The following SERPINB6 variants were observed in gnomAD, a reference collection of about 807,000 sequenced individuals.
The protein encoded by SERPINB6 is serpin family B member 6, also known as serpin B6.
A neutral mutation model predicts 26.1 loss-of-function variants in SERPINB6; 16 were observed. That is an observed-to-expected ratio of 0.61 (90% CI 0.42 to 0.93). The LOEUF (loss-of-function observed/expected upper bound fraction) is 0.93, where lower values mean the gene tolerates loss of function less well. SERPINB6 is among the 40% of genes least tolerant of loss of function. The pLI, the probability that SERPINB6 is intolerant of heterozygous loss-of-function variation, is 0.00. For synonymous variants in SERPINB6, 174 were observed against 176.6 expected, an observed-to-expected ratio of 0.99 and a Z score of 0.11; for missense variants, 420 against 478.0, an observed-to-expected ratio of 0.88 and a Z score of 1.13.
At chr6:2,961,763 C>CAA (rs35003117) in intron 1 of SERPINB6, 1,679 of 856,858 alleles carry the variant, frequency 2.0e-3, no homozygotes, top group Middle Eastern at 4.2e-3. Flanking sequence ...CTCCATAAAC[C>CAA]AAAAAAAAAA....
chr6:2,955,307 C>A, intron 3 of SERPINB6: 1 of 590,920 alleles, frequency 1.7e-6, no homozygotes, highest in East Asian at 2.9e-5. Flanking sequence ...CATCAAGGAG[C>A]TGCCTGACAA....
At chr6:2,953,279 A>G in intron 4 of SERPINB6, 93 bp from the exon 5 acceptor site, 1 of 1,534,088 alleles carries the variant, frequency 6.5e-7, no homozygotes, top group South Asian at 1.1e-5. Context: ...TTCAGCAGTC[A>G]AGTGCACGGA....
intron 1 of SERPINB6, chr6:2,966,421 C>T (rs1771648848): frequency 8.1e-6 from 8 of 986,670 alleles, no homozygotes; most frequent in Non-Finnish European, 9.6e-6. Context: ...GAGTCCCCAG[C>T]AGATCCGTCT....
chr6:2,971,051 G>A, intron 1 of SERPINB6: 5 of 1,185,960 alleles, frequency 4.2e-6, no homozygotes, highest in Non-Finnish European at 5.2e-6. Flanking sequence ...CCAAGACTGA[G>A]CACGCGTCCT....
intron 1 of SERPINB6, among the ~76,000 whole-genome samples, chr6:2,965,904 G>A (rs1379982972): frequency 6.6e-6 from 1 of 152,056 alleles, no homozygotes; most frequent in Non-Finnish European, 1.5e-5. Flanking sequence ...CTCAGCACAG[G>A]GCACACACTC....
At chr6:2,963,784 C>T (rs1434505154) in intron 1 of SERPINB6, 1 of 152,214 alleles carries the variant, frequency 6.6e-6, no homozygotes, top group Non-Finnish European at 1.5e-5. Flanking sequence ...AGCCTGATGC[C>T]CACATGCATA....
At chr6:2,954,748 AATG>A (rs1317091845) in intron 3 of SERPINB6, 39 bp from the exon 4 acceptor site, 1 of 1,376,992 alleles carries the variant, frequency 7.3e-7, no homozygotes, top group Non-Finnish European at 1.0e-6. Flanking sequence ...TGGCTACAAA[AATG>A]ATGAACACCA....
intron 2 of SERPINB6, chr6:2,956,581 G>C (rs957187588): frequency 6.6e-6 from 1 of 152,432 alleles, no homozygotes; most frequent in Non-Finnish European, 1.5e-5. Flanking sequence ...CAGCACTTTG[G>C]GAGGCCGAGG....
chr6:2,948,281 C>T lies in SERPINB6; in HGVS notation c.*17G>A, dbSNP rs1391375821. ...GGACAGAGAGGAGAGGGGCTGCACA[C>T]CAAGACTGCCCTGTCCTCACGGAGA... On this transcript the variant is annotated 3_prime_UTR_variant, in exon 7 of 7. Coordinates refer to ENST00000380539, the MANE Select transcript of SERPINB6 (RefSeq NM_004568.6). This position sits in a 1 kb window ranked among gnomAD's most constrained non-coding sequence, Gnocchi z 5.0. The T allele has an allele frequency of 6.2e-7, 1 of 1,612,646 alleles. No individual in the cohort carries two copies. Among genetic ancestry groups the T allele is most frequent in the Non-Finnish European group, 8.5e-7 (1 of 1,179,936 alleles).
At chr6:2,966,794 T>C (rs1000514405) in intron 1 of SERPINB6, 4 of 241,318 alleles carry the variant, frequency 1.7e-5, no homozygotes, top group African/African-American at 7.0e-5. Context: ...AGACTAGATA[T>C]GATAGGTGCA....
intron 1 of SERPINB6, 63 bp from the exon 2 acceptor site, chr6:2,959,405 G>C: frequency 6.4e-7 from 1 of 1,556,018 alleles, no homozygotes; most frequent in East Asian, 2.2e-5. Flanking sequence ...CATCTCACGC[G>C]CCTTACCGAC....
chr6:2,952,658 T>C (rs2580109), intron 5 of SERPINB6, among the ~76,000 whole-genome samples: 93,889 of 152,218 alleles, frequency 0.62, 29,682 homozygotes, highest in East Asian at 0.81. Context: ...TTCAGCAGGC[T>C]GAGTTGTTCC....
At position 2,949,499 on chromosome 6, in the gene SERPINB6, G is replaced by C. The variant is rs189562277; in HGVS notation, c.574-430C>G. Among the ~76,000 whole-genome samples the C allele has an allele frequency of 5.3e-4, 81 of 152,310 alleles. 1 individual carries two copies. Among genetic ancestry groups the C allele is most frequent in the South Asian group, 8.3e-4 (4 of 4,832 alleles). ...CTGCAACTCTGCCCATCTCAGCTGA[G>C]GGCAGTGCCACTGTCCAGTGGTCAA... On this transcript the variant is annotated intron_variant, in intron 5 of 6. Transcript: ENST00000380539.
intron 1 of SERPINB6, chr6:2,960,892 CCTT>C (rs1258125771): frequency 6.6e-6 from 1 of 152,244 alleles, no homozygotes; most frequent in East Asian, 1.9e-4. Flanking sequence ...TCACAGGTAT[CCTT>C]CTAAGAGGGA....
rs115419516 is a variant in SERPINB6, at chr6:2,952,109, A to C, written c.573+935T>G. ...ACCATGGTGAACCGGGGTTTCTGTTATCTGTAGTCAAAGCCCTTGTACATC... is the reference window on the plus strand; with the variant it reads ...ACCATGGTGAACCGGGGTTTCTGTTCTCTGTAGTCAAAGCCCTTGTACATC... On this transcript the variant is annotated intron_variant, in intron 5 of 6. Coordinates refer to ENST00000380539, the MANE Select transcript of SERPINB6 (RefSeq NM_004568.6). 8.9e-3 allele frequency among the ~76,000 whole-genome samples: 1,355 copies of C among 152,330 alleles called. 22 individuals are homozygous for C. The highest frequency in any genetic ancestry group is 0.031 in the African/African-American group (1,287 of 41,570).
chr6:2,964,975 T>C (rs1051811363), intron 1 of SERPINB6, among the ~76,000 whole-genome samples: 2 of 152,212 alleles, frequency 1.3e-5, no homozygotes, highest in Non-Finnish European at 2.9e-5. Context: ...GTGCTGGAAC[T>C]ACAGGCACCC....
chr6:2,964,672 G>A (rs998805443), intron 1 of SERPINB6, among the ~76,000 whole-genome samples: 5 of 152,118 alleles, frequency 3.3e-5, no homozygotes, highest in African/African-American at 1.2e-4. Flanking sequence ...GGTGTTAAAA[G>A]AGATGTTATA....
At position 2,948,629 on chromosome 6, in the gene SERPINB6, A is replaced by G. The variant is rs1581225193; in HGVS notation, c.800T>C (p.Val267Ala). Residue 267 changes from valine (V) to alanine (A), a missense_variant, in exon 7 of 7, where the codon GTG becomes GCG. Coordinates refer to ENST00000380539, the MANE Select transcript of SERPINB6 (RefSeq NM_004568.6). This position sits in a 1 kb window ranked among gnomAD's most constrained non-coding sequence, Gnocchi z 5.0. ...TRLDMMDEEEVEVSLPRFKLE... is the reference protein window; with the variant it reads ...TRLDMMDEEEAEVSLPRFKLE... ...TTTAAACCGCGGGAGGGACACTTCC[A>G]CCTCCTCTTCATCCATCATGTCCAG... The G allele has an allele frequency of 1.9e-6, 3 of 1,613,944 alleles. No homozygotes were observed. The highest frequency in any genetic ancestry group is 1.3e-5 in the African/African-American group (1 of 74,970).
rs73347837 is a variant in SERPINB6, at chr6:2,957,847, C to T, written c.165+1321G>A. On this transcript the variant is annotated intron_variant, in intron 2 of 6. Transcript: ENST00000380539. ...ACACCAGGACACAGAGGGCAGAGCA[C>T]AGCCAGGGCAGCAACGGACAAGGGA... The T allele has an allele frequency of 8.4e-3, 1,291 of 153,228 alleles. 19 individuals are homozygous for T. The highest frequency in any genetic ancestry group is 0.029 in the African/African-American group (1,223 of 41,574). 9.5% of individuals were successfully genotyped at this position (153,228 alleles called of 1,614,324 possible). A position where few individuals can be genotyped will look rare whatever the true frequency, so the allele number is the denominator to read the frequency against.
Sources: allele counts gnomAD v4.1 joint callset (sites outside exome capture counted in the v4.1 genomes callset), GRCh38; gene constraint gnomAD v4.1.1; non-coding constraint Gnocchi (gnomAD v3.1); transcripts MANE v1.5; gene names NCBI Gene and HGNC (gene_info 2026-07-23, HGNC 2026-07-21).